Variants in ARLN observed in about 807,000 individuals in gnomAD.
ARLN encodes the protein allregulin, also known as sarcoplasmic/endoplasmic reticulum calcium ATPase regulator ARLN.
chr4:119,300,905 A>G, the ARLN span: 1 of 1,100,168 alleles, frequency 9.1e-7, no homozygotes, highest in Non-Finnish European at 1.3e-6. Context: ...CTGAAACTGC[A>G]CGAGGTCACC....
the ARLN span, chr4:119,300,588 C>G: frequency 1.2e-6 from 2 of 1,613,210 alleles, no homozygotes; most frequent in African/African-American, 1.3e-5. Flanking sequence ...CTTAAGTTCC[C>G]GGACTTTGGT....
the ARLN span, chr4:119,300,837 A>C: frequency 7.0e-7 from 1 of 1,433,188 alleles, no homozygotes; most frequent in Non-Finnish European, 9.1e-7. Flanking sequence ...GTTTCGTTGG[A>C]AGAAATACGT....
the ARLN span, chr4:119,304,436 G>T: frequency 2.0e-6 from 3 of 1,527,516 alleles, no homozygotes; most frequent in East Asian, 7.4e-5. Context: ...CTATTTATTA[G>T]ACTGGTCATC....
At chr4:119,299,249 G>A in the ARLN span, among the ~76,000 whole-genome samples, 1 of 152,132 alleles carries the variant, frequency 6.6e-6, no homozygotes, top group Admixed American at 6.5e-5. Flanking sequence ...ACTGTGCCTG[G>A]CCCTCTCTGT....
the ARLN span, among the ~76,000 whole-genome samples, chr4:119,303,695 G>A: frequency 6.6e-6 from 1 of 152,158 alleles, no homozygotes; most frequent in Non-Finnish European, 1.5e-5. Flanking sequence ...ACAAGCCTGA[G>A]CAACATGGCG....
the ARLN span, among the ~76,000 whole-genome samples, chr4:119,301,937 G>C: frequency 6.6e-6 from 1 of 152,144 alleles, no homozygotes. Flanking sequence ...TGTAGATTCT[G>C]GGATGAGAGG....
chr4:119,301,241 TAAAAAA>T, the ARLN span, among the ~76,000 whole-genome samples: 209 of 100,396 alleles, frequency 2.1e-3, no homozygotes, highest in African/African-American at 8.0e-3. Flanking sequence ...CCGTCTCTAC[TAAAAAA>T]AAAAAAAAAA....
the ARLN span, among the ~76,000 whole-genome samples, chr4:119,301,488 C>A: frequency 6.6e-6 from 1 of 151,992 alleles, no homozygotes; most frequent in South Asian, 2.1e-4. Context: ...TGAGCCTCAG[C>A]AAGAACAGAA....
chr4:119,301,110 G>A, the ARLN span, among the ~76,000 whole-genome samples: 5 of 151,820 alleles, frequency 3.3e-5, no homozygotes, highest in Admixed American at 1.3e-4. Flanking sequence ...GTACTTCAAG[G>A]GAGTGGGTTT....
chr4:119,304,039 G>A, the ARLN span, among the ~76,000 whole-genome samples: 3 of 152,174 alleles, frequency 2.0e-5, no homozygotes, highest in African/African-American at 4.8e-5. Flanking sequence ...CTTTGCTCCA[G>A]TCAGAGTGCT....
At chr4:119,300,955 G>T in the ARLN span, 1 of 690,656 alleles carries the variant, frequency 1.4e-6, no homozygotes, top group Non-Finnish European at 2.3e-6. Context: ...TTATGCCAAC[G>T]TGTTAGGAAG....
chr4:119,299,996 C>T, the ARLN span, among the ~76,000 whole-genome samples: 1 of 152,026 alleles, frequency 6.6e-6, no homozygotes, highest in Non-Finnish European at 1.5e-5. Context: ...TACTAATGGT[C>T]CCAAATGGCA....
At chr4:119,297,152 C>T in the ARLN span, 1 of 152,194 alleles carries the variant, frequency 6.6e-6, no homozygotes, top group East Asian at 1.9e-4. Context: ...GTTCTGTGTT[C>T]CTACAGATGT....
At chr4:119,300,622 G>C in the ARLN span, 2 of 1,596,552 alleles carry the variant, frequency 1.3e-6, no homozygotes, top group South Asian at 1.1e-5. Flanking sequence ...GAAACTGAGC[G>C]GAGTCCGGCC....
the ARLN span, chr4:119,297,911 G>A: frequency 1.3e-5 from 2 of 152,528 alleles, no homozygotes; most frequent in African/African-American, 2.4e-5. Flanking sequence ...GCTCCATGAA[G>A]GCAAGAATGC....
At chr4:119,298,921 C>A in the ARLN span, 1 of 499,174 alleles carries the variant, frequency 2.0e-6, no homozygotes, top group Non-Finnish European at 3.6e-6. Context: ...GCTGAAAGTT[C>A]AGGTCATAAA....
the ARLN span, among the ~76,000 whole-genome samples, chr4:119,299,347 G>A: frequency 2.6e-5 from 4 of 152,274 alleles, no homozygotes; most frequent in South Asian, 8.3e-4. Context: ...TGGGGGTTGG[G>A]GGTGTAGAAG....
the ARLN span, among the ~76,000 whole-genome samples, chr4:119,299,024 T>A: frequency 2.0e-5 from 3 of 152,168 alleles, no homozygotes; most frequent in African/African-American, 7.2e-5. Flanking sequence ...ACAAATGGCT[T>A]GACAGAGAAT....
the ARLN span, among the ~76,000 whole-genome samples, chr4:119,299,928 C>A: frequency 6.6e-6 from 1 of 152,054 alleles, no homozygotes; most frequent in African/African-American, 2.4e-5. Flanking sequence ...CTTACTACTG[C>A]CAGGCAACAT....
Sources: gnomAD v4.1 joint callset for allele counts (sites outside exome capture counted in the v4.1 genomes callset) on GRCh38, gnomAD v4.1.1 for gene constraint, MANE v1.5 for transcripts, NCBI Gene and HGNC (gene_info 2026-07-23, HGNC 2026-07-21) for gene names.